The following MYO1B variants were observed in gnomAD, a reference collection of about 807,000 sequenced individuals.
MYO1B encodes the protein myosin IB.
A neutral mutation model predicts 159.7 loss-of-function variants in MYO1B; 72 were observed. The ratio of observed to expected loss-of-function variants is 0.45; its 90% CI spans 0.37 to 0.55. MYO1B has a LOEUF of 0.55. MYO1B is among the 20% of genes least tolerant of loss of function. The pLI, the probability that MYO1B is intolerant of heterozygous loss-of-function variation, is 0.00. For missense variants in MYO1B, 1,062 were observed against 1,364.8 expected, an observed-to-expected ratio of 0.78 and a Z score of 3.50; for synonymous variants, 468 against 473.8, an observed-to-expected ratio of 0.99 and a Z score of 0.16.
At chr2:191,332,067 A>G (rs1691518082) in intron 4 of MYO1B, among the ~76,000 whole-genome samples, 1 of 152,192 alleles carries the variant, frequency 6.6e-6, no homozygotes, top group South Asian at 2.1e-4. Flanking sequence ...GGTTCAAGTG[A>G]TTCTCCTGGC....
At chr2:191,378,720 C>T (rs900456128) in intron 13 of MYO1B, among the ~76,000 whole-genome samples, 4 of 151,772 alleles carry the variant, frequency 2.6e-5, no homozygotes, top group Admixed American at 1.3e-4. Context: ...GTTGGGACGG[C>T]GAAAATTTTG....
intron 1 of MYO1B, among the ~76,000 whole-genome samples, chr2:191,275,048 A>G (rs1687665674): frequency 6.6e-6 from 1 of 152,042 alleles, no homozygotes. Flanking sequence ...CTGGGATTAC[A>G]GGCACTGCCA....
chr2:191,305,270 G>C (rs918356893), intron 3 of MYO1B, among the ~76,000 whole-genome samples: 4 of 152,212 alleles, frequency 2.6e-5, no homozygotes, highest in Admixed American at 1.3e-4. Context: ...GAGCCCTGTG[G>C]GGATTTGTCT....
chr2:191,414,246 T>C, intron 28 of MYO1B, 66 bp downstream of exon 28: 1 of 1,537,322 alleles, frequency 6.5e-7, no homozygotes, highest in Non-Finnish European at 8.7e-7. Context: ...CCCTGTTTTC[T>C]GAATGTAAAA....
At chr2:191,383,402 A>T in intron 15 of MYO1B, 60 bp downstream of exon 15, 1 of 931,978 alleles carries the variant, frequency 1.1e-6, no homozygotes, top group East Asian at 3.3e-5. Flanking sequence ...ACCCTTATAA[A>T]TGTTCTCAGT....
At chr2:191,355,888 T>G (rs931800561) in intron 7 of MYO1B, among the ~76,000 whole-genome samples, 10 of 152,186 alleles carry the variant, frequency 6.6e-5, no homozygotes, top group African/African-American at 2.4e-4. Context: ...CAGATTACTC[T>G]GGATTGCTTT....
At chr2:191,335,425 T>C (rs1691766024) in intron 4 of MYO1B, among the ~76,000 whole-genome samples, 1 of 152,196 alleles carries the variant, frequency 6.6e-6, no homozygotes, top group Admixed American at 6.5e-5. Context: ...AAAGTCTCTG[T>C]TTTATGGAGA....
chr2:191,374,512 T>C (rs143112333), intron 13 of MYO1B, among the ~76,000 whole-genome samples: 297 of 152,236 alleles, frequency 2.0e-3, no homozygotes, highest in African/African-American at 7.0e-3. Flanking sequence ...GCTGAGCTGG[T>C]GGAAACCTTT....
chr2:191,259,394 G>C (rs140843763), intron 1 of MYO1B, among the ~76,000 whole-genome samples: 413 of 152,308 alleles, frequency 2.7e-3, no homozygotes, highest in African/African-American at 9.5e-3. Flanking sequence ...AGTGTCAACT[G>C]TGGTCATTTC....
At chr2:191,330,082 A>G in intron 4 of MYO1B, 53 bp downstream of exon 4, 2 of 1,517,468 alleles carry the variant, frequency 1.3e-6, no homozygotes, top group Non-Finnish European at 1.8e-6. Flanking sequence ...ACAGAATGAC[A>G]ACAGCAAAGA....
rs1186009617 is a variant in MYO1B at position 191,423,843 on chromosome 2, G to C, written c.3294G>C (p.Leu1098=). 1 of 1,611,670 alleles carries C rather than the reference G, an allele frequency of 6.2e-7. No individual in the cohort carries two copies. The highest frequency in any genetic ancestry group is 8.5e-7 in the Non-Finnish European group (1 of 1,179,018). Residue 1098 remains leucine (L), a synonymous_variant, in exon 31 of 31, where the codon CTG becomes CTC. Transcript: ENST00000392318. ...TTTTATTCTTTTCTCCTAGGTTCCT[G>C]GTACAGTTCAGACAGGACAAAGTAT... ...KLNIEISDEF[L]VQFRQDKVCV...
At chr2:191,372,879 CTTTTTTTTTTTTT>C (rs34444520) in intron 13 of MYO1B, among the ~76,000 whole-genome samples, 1 of 70,104 alleles carries the variant, frequency 1.4e-5, no homozygotes, top group Admixed American at 2.3e-4. Flanking sequence ...GTTATATTTC[CTTTTTTTTTTTTT>C]TTTTTTTTTT....
At chr2:191,287,378 A>G (rs1688438407) in intron 2 of MYO1B, among the ~76,000 whole-genome samples, 1 of 152,076 alleles carries the variant, frequency 6.6e-6, no homozygotes, top group Admixed American at 6.5e-5. Context: ...AAATACAAAA[A>G]AATTAGCTTG....
In MYO1B at chr2:191,329,970, G is replaced by A. The variant is rs755914659; in HGVS notation, c.287G>A (p.Arg96Gln). Reference protein sequence around the residue: ...ALSDEAYRSLRDQDKDQCILI... With the variant: ...ALSDEAYRSLQDQDKDQCILI... ...TCGGATGAAGCATACAGATCCCTAC[G>A]AGATCAAGATAAGGACCAATGTATT... Residue 96 changes from arginine (R) to glutamine (Q), a missense_variant, in exon 4 of 31, where the codon CGA becomes CAA. Physicochemically the swap from Arg to Gln is conservative, Grantham distance 43 (BLOSUM62 1). This residue lies in a region of MYO1B where 415 missense variants were observed against 544.0 expected (regional missense o/e 0.76). Transcript: ENST00000392318. The A allele has an allele frequency of 7.4e-6, 12 of 1,612,226 alleles. No homozygotes were observed. The highest frequency in any genetic ancestry group is 5.5e-5 in the South Asian group (5 of 90,928).
Position 191,364,995 on chromosome 2 carries a change from C to T in MYO1B, c.1032+719C>T, listed in dbSNP as rs541007000. Among the ~76,000 whole-genome samples the T allele has an allele frequency of 1.5e-4, 23 of 151,436 alleles. No individual in the cohort carries two copies. The South Asian group carries it at 4.6e-3, about 30-fold the overall frequency. The stretch of plus-strand genomic sequence containing the variant: ...CCTCCCTGCCTTACTTCTTGAACCC[C>T]CTCTACCCTTGATATTGGGGCCAGT... On this transcript the variant is annotated intron_variant, in intron 11 of 30. Coordinates refer to ENST00000392318, the MANE Select transcript of MYO1B (RefSeq NM_001130158.3).
chr2:191,329,085 T>C (rs1300474125), intron 3 of MYO1B, among the ~76,000 whole-genome samples: 1 of 152,206 alleles, frequency 6.6e-6, no homozygotes, highest in Non-Finnish European at 1.5e-5. Flanking sequence ...ATAAATGAAG[T>C]GAGGACTTTA....
In MYO1B at chr2:191,400,751, A is replaced by G. The variant is rs1574616266; in HGVS notation, c.2385A>G (p.Ala795=). The G allele has an allele frequency of 6.2e-7, 1 of 1,613,972 alleles. No homozygotes were observed. Among genetic ancestry groups the G allele is most frequent in the Non-Finnish European group, 8.5e-7 (1 of 1,179,884 alleles). Residue 795 remains alanine, a splice_region_variant and synonymous_variant, in exon 23 of 31, where the codon GCA becomes GCG. Transcript: ENST00000392318. The part of the protein sequence containing the change: ...TIAAYWHGTQ[A]RRELRRLKEE... ...ACTCCTTTTCAAATGCATCACAGGC[A>G]CGAAGGGAACTGAGACGGCTGAAGG...
At chr2:191,287,173 CACA>C (rs1359205464) in intron 2 of MYO1B, among the ~76,000 whole-genome samples, 2 of 152,030 alleles carry the variant, frequency 1.3e-5, no homozygotes, top group African/African-American at 4.8e-5. Context: ...TGTTTTGACA[CACA>C]ACCTCATTTA....
chr2:191,327,431 T>C (rs1691173836), intron 3 of MYO1B, among the ~76,000 whole-genome samples: 1 of 152,268 alleles, frequency 6.6e-6, no homozygotes, highest in Non-Finnish European at 1.5e-5. Flanking sequence ...TCAAAGTGCT[T>C]GTATGCACTT....
Sources: gnomAD v4.1 joint callset for allele counts (sites outside exome capture counted in the v4.1 genomes callset) on GRCh38, gnomAD v4.1.1 for gene constraint, gnomAD v4.1.1 regional missense constraint, MANE v1.5 for transcripts, NCBI Gene and HGNC (gene_info 2026-07-23, HGNC 2026-07-21) for gene names.